FGF10: variants seen among roughly 807,000 people sequenced by gnomAD.
FGF10 encodes the protein fibroblast growth factor 10.
Under a neutral mutation model 19.8 loss-of-function variants are expected in FGF10, and 2 were observed. The observed-to-expected ratio is 0.10, with a 90% confidence interval of 0.04 to 0.32. The LOEUF (loss-of-function observed/expected upper bound fraction) is 0.32. Among genes scored for constraint, FGF10 ranks in the 10% least tolerant of loss-of-function variants. The probability of loss-of-function intolerance (pLI) is 1.00; values close to 1 mark genes in which losing one functional copy is unlikely to be tolerated. For synonymous variants in FGF10, 112 were observed against 94.0 expected (o/e 1.19, Z -1.10); for missense variants, 191 against 246.3 (o/e 0.78, Z 1.50).
chr5:44,362,106 T>A (rs183548440), intron 1 of FGF10, among the ~76,000 whole-genome samples: 22 of 150,982 alleles, frequency 1.5e-4, no homozygotes, highest in Admixed American at 9.9e-4. Context: ...AAAATCGGAG[T>A]CAAGCAGACC....
intron 1 of FGF10, among the ~76,000 whole-genome samples, chr5:44,330,452 G>A (rs572937723): frequency 2.6e-5 from 4 of 152,248 alleles, no homozygotes; most frequent in East Asian, 1.9e-4. Context: ...AAGCCTTTTG[G>A]CATTAACTAC....
chr5:44,309,837 G>A (rs116279717), intron 2 of FGF10, among the ~76,000 whole-genome samples: 1 of 152,008 alleles, frequency 6.6e-6, no homozygotes, highest in Non-Finnish European at 1.5e-5. Context: ...GCACTGCAGG[G>A]ATACCTGCTC....
chr5:44,319,757 A>G (rs903308138), intron 1 of FGF10, among the ~76,000 whole-genome samples: 2 of 152,210 alleles, frequency 1.3e-5, no homozygotes, highest in African/African-American at 2.4e-5. Flanking sequence ...GATTGTGCAG[A>G]AAGACAATTT....
rs1239133040 is a variant in FGF10, at chr5:44,300,418, T to C, written c.*4577A>G. On this transcript the variant is annotated 3_prime_UTR_variant, in exon 3 of 3. Transcript: ENST00000264664. Reference sequence around the variant, plus strand: ...ACAGGTTGAAGTAGGAGGACCAGCTTTTTATTCAGTGAAAACTTGCATTCA... The same window carrying C: ...ACAGGTTGAAGTAGGAGGACCAGCTCTTTATTCAGTGAAAACTTGCATTCA... 6.6e-6 allele frequency among the ~76,000 whole-genome samples: 1 copy of C among 152,158 alleles called. No individual in the cohort carries two copies. Among genetic ancestry groups the C allele is most frequent in the East Asian group, 1.9e-4 (1 of 5,202 alleles).
chr5:44,348,073 T>C (rs1232209347), intron 1 of FGF10, among the ~76,000 whole-genome samples: 1 of 151,600 alleles, frequency 6.6e-6, no homozygotes, highest in African/African-American at 2.4e-5. Context: ...TGTTTGACAA[T>C]ATGTGGATGG....
intron 1 of FGF10, among the ~76,000 whole-genome samples, chr5:44,383,942 C>T (rs190697990): frequency 5.3e-5 from 8 of 152,166 alleles, no homozygotes; most frequent in Admixed American, 2.6e-4. Context: ...CTTCATTTAG[C>T]TTCCTACAAT....
intron 1 of FGF10, among the ~76,000 whole-genome samples, chr5:44,332,774 A>G (rs533518530): frequency 1.1e-4 from 16 of 152,268 alleles, no homozygotes; most frequent in Admixed American, 5.2e-4. Context: ...TTAAGTAAGG[A>G]AGGAAACATA....
intron 1 of FGF10, among the ~76,000 whole-genome samples, chr5:44,343,411 C>G (rs1008263327): frequency 6.6e-6 from 1 of 151,956 alleles, no homozygotes; most frequent in Non-Finnish European, 1.5e-5. Context: ...TCATGTTTAG[C>G]ACAAACTCTC....
At chr5:44,364,898 G>A (rs1741570666) in intron 1 of FGF10, among the ~76,000 whole-genome samples, 1 of 151,834 alleles carries the variant, frequency 6.6e-6, no homozygotes. Flanking sequence ...TTTTAAGTAA[G>A]TTATTTAAAC....
At chr5:44,373,067 G>C (rs1158934981) in intron 1 of FGF10, among the ~76,000 whole-genome samples, 1 of 152,130 alleles carries the variant, frequency 6.6e-6, no homozygotes, top group Admixed American at 6.6e-5. Flanking sequence ...AACTTGCTCT[G>C]TCTTTGTCTA....
chr5:44,330,870 C>T (rs888112991), intron 1 of FGF10, among the ~76,000 whole-genome samples: 17 of 152,224 alleles, frequency 1.1e-4, no homozygotes, highest in Non-Finnish European at 2.4e-4. Context: ...ATTGATCAGA[C>T]GTCATTTTTT....
chr5:44,338,993 A>T (rs1740910333), intron 1 of FGF10, among the ~76,000 whole-genome samples: 1 of 152,194 alleles, frequency 6.6e-6, no homozygotes, highest in African/African-American at 2.4e-5. Context: ...CAAATCCATG[A>T]ATCTGATTTC....
intron 1 of FGF10, among the ~76,000 whole-genome samples, chr5:44,378,308 G>A (rs1271835730): frequency 2.6e-5 from 4 of 152,148 alleles, no homozygotes; most frequent in Non-Finnish European, 5.9e-5. Context: ...GAGCATTTTG[G>A]ATTTGAGAAT....
intron 1 of FGF10, among the ~76,000 whole-genome samples, chr5:44,325,648 C>T (rs1410123277): frequency 6.6e-6 from 1 of 150,686 alleles, no homozygotes; most frequent in African/African-American, 2.4e-5. Context: ...AAAAACCAAA[C>T]ACTGCATGTT....
intron 1 of FGF10, among the ~76,000 whole-genome samples, chr5:44,338,648 A>G (rs1029022802): frequency 6.6e-6 from 1 of 152,206 alleles, no homozygotes; most frequent in Non-Finnish European, 1.5e-5. Context: ...AACATTTATT[A>G]TGAAAAGGCT....
At chr5:44,375,194 G>A (rs1327079220) in intron 1 of FGF10, among the ~76,000 whole-genome samples, 6 of 152,170 alleles carry the variant, frequency 3.9e-5, no homozygotes, top group Admixed American at 3.3e-4. Context: ...GTGCATGCAT[G>A]TAAAAGTCAG....
chr5:44,301,934 G>A lies in FGF10; in HGVS notation c.*3061C>T, dbSNP rs1739973097. On this transcript the variant is annotated 3_prime_UTR_variant, in exon 3 of 3. Coordinates refer to ENST00000264664, the MANE Select transcript of FGF10 (RefSeq NM_004465.2). The stretch of plus-strand genomic sequence containing the variant: ...ACACTGTTCAGCCTTTTGCGAGTTA[G>A]GAGGAGGGAGTGATTCTATATCTTT... Among the ~76,000 whole-genome samples, 1 of 152,120 alleles carries A rather than the reference G, an allele frequency of 6.6e-6. No homozygotes were observed.
In FGF10 at chr5:44,302,389, C is replaced by A. The variant is rs1012473364; in HGVS notation, c.*2606G>T. On this transcript the variant is annotated 3_prime_UTR_variant, in exon 3 of 3. Transcript: ENST00000264664. ...TTTTCTCTCTTTCCTTTCTTTCTGG[C>A]TCTTTTTCACCCAGGCTGGAGTGCA... 6.7e-5 allele frequency among the ~76,000 whole-genome samples: 10 copies of A among 150,000 alleles called. No individual in the cohort carries two copies. The highest frequency in any genetic ancestry group is 1.5e-4 in the Non-Finnish European group (10 of 67,720).
At chr5:44,353,007 G>C (rs770729366) in intron 1 of FGF10, among the ~76,000 whole-genome samples, 8 of 151,596 alleles carry the variant, frequency 5.3e-5, no homozygotes, top group Admixed American at 2.6e-4. Flanking sequence ...AGATTTCTTA[G>C]TATGACACAA....
Sources: allele counts gnomAD v4.1 joint callset (sites outside exome capture counted in the v4.1 genomes callset), GRCh38; gene constraint gnomAD v4.1.1; transcripts MANE v1.5; gene names NCBI Gene and HGNC (gene_info 2026-07-23, HGNC 2026-07-21).